AGMO: variants seen among roughly 807,000 people sequenced by gnomAD.
The protein encoded by AGMO is glyceryl-ether monooxygenase.
AGMO carries 75 observed loss-of-function variants against 60.2 expected under a neutral mutation model. That is an observed-to-expected ratio of 1.25 (90% CI 1.03 to 1.51). AGMO has a LOEUF of 1.51. AGMO is among the 40% of genes most tolerant of loss of function. The probability of loss-of-function intolerance (pLI) is 0.00; values close to 1 mark genes in which losing one functional copy is unlikely to be tolerated. For synonymous variants in AGMO, 261 were observed against 177.1 expected (o/e 1.47, Z -3.76); for missense variants, 763 against 525.5 (o/e 1.45, Z -4.42).
chr7:15,440,404 A>C (rs1322767201), intron 3 of AGMO, among the ~76,000 whole-genome samples: 1 of 152,216 alleles, frequency 6.6e-6, no homozygotes, highest in East Asian at 1.9e-4. Context: ...AAGAGAAGGG[A>C]GAAATGAGGT....
chr7:15,169,088 C>G, the AGMO span, among the ~76,000 whole-genome samples: 1 of 152,124 alleles, frequency 6.6e-6, no homozygotes, highest in Non-Finnish European at 1.5e-5. Context: ...GGTGGAGAGA[C>G]CTCAATAAAG....
intron 3 of AGMO, among the ~76,000 whole-genome samples, chr7:15,493,948 G>A (rs1783151179): frequency 6.6e-6 from 1 of 152,116 alleles, no homozygotes; most frequent in South Asian, 2.1e-4. Context: ...GATCACATCA[G>A]GATAAGTGGG....
intron 12 of AGMO, among the ~76,000 whole-genome samples, chr7:15,331,016 G>C (rs1781483588): frequency 6.6e-6 from 1 of 151,902 alleles, no homozygotes; most frequent in Non-Finnish European, 1.5e-5. Flanking sequence ...TTTCCCCCTT[G>C]GCCTCTTGGA....
chr7:15,163,648 C>G, the AGMO span, among the ~76,000 whole-genome samples: 2 of 151,926 alleles, frequency 1.3e-5, no homozygotes, highest in Non-Finnish European at 1.5e-5. Context: ...GTTGAACTAC[C>G]CTCATATCCT....
chr7:15,326,796 G>C (rs990083673), intron 12 of AGMO, among the ~76,000 whole-genome samples: 1 of 152,018 alleles, frequency 6.6e-6, no homozygotes, highest in African/African-American at 2.4e-5. Flanking sequence ...GGAAGTCTAT[G>C]TACAAAAGGC....
intron 12 of AGMO, among the ~76,000 whole-genome samples, chr7:15,254,438 G>T (rs1480230922): frequency 4.6e-5 from 7 of 152,096 alleles, no homozygotes; most frequent in Non-Finnish European, 1.5e-5. Flanking sequence ...TCTAACTGAG[G>T]TGAGGTGATA....
chr7:15,481,617 T>C (rs1028266409), intron 3 of AGMO, among the ~76,000 whole-genome samples: 2 of 151,958 alleles, frequency 1.3e-5, no homozygotes, highest in Non-Finnish European at 2.9e-5. Context: ...TAAATGTATA[T>C]TCAGATAGGG....
chr7:15,560,179 T>C lies in AGMO; in HGVS notation c.219A>G (p.Leu73=). ...ACAGAACACCAGCTGAGATTGACGT[T>C]AAAGCATCATCCAGGCGACCTGGTG... ...GKPPGRLDDA[L]TSISAGVLSR... Residue 73 remains leucine, a synonymous_variant, in exon 2 of 13, where the codon TTA becomes TTG. Coordinates refer to ENST00000342526, the MANE Select transcript of AGMO (RefSeq NM_001004320.2). 3.7e-6 allele frequency: 6 copies of C among 1,613,156 alleles called. No individual in the cohort carries two copies. Among genetic ancestry groups the C allele is most frequent in the Non-Finnish European group, 5.1e-6 (6 of 1,179,296 alleles).
intron 5 of AGMO, among the ~76,000 whole-genome samples, chr7:15,409,134 T>G (rs2128491903): frequency 6.6e-6 from 1 of 151,616 alleles, no homozygotes; most frequent in South Asian, 2.1e-4. Flanking sequence ...TAGACTTTAT[T>G]CAGTAAGCAA....
intron 12 of AGMO, among the ~76,000 whole-genome samples, chr7:15,210,980 T>C (rs1442842972): frequency 6.6e-6 from 1 of 152,090 alleles, no homozygotes; most frequent in Non-Finnish European, 1.5e-5. Context: ...ATAAGTAAAT[T>C]AGTGAATAGA....
intron 12 of AGMO, among the ~76,000 whole-genome samples, chr7:15,256,523 A>C (rs1269838552): frequency 6.6e-6 from 1 of 151,736 alleles, no homozygotes; most frequent in Non-Finnish European, 1.5e-5. Flanking sequence ...TGACGTGTGT[A>C]ATTTTTTGTG....
At chr7:15,550,419 G>C (rs1390799596) in intron 2 of AGMO, among the ~76,000 whole-genome samples, 1 of 152,038 alleles carries the variant, frequency 6.6e-6, no homozygotes, top group Non-Finnish European at 1.5e-5. Flanking sequence ...TAGACCGCTA[G>C]CAAGACTAAT....
chr7:15,534,862 T>C (rs1479599272), intron 3 of AGMO, among the ~76,000 whole-genome samples: 3 of 151,834 alleles, frequency 2.0e-5, no homozygotes, highest in South Asian at 4.1e-4. Flanking sequence ...TACCAATGTA[T>C]TTTAATATTA....
At position 15,331,299 on chromosome 7, in the gene AGMO, T is replaced by C. The variant is rs117276252; in HGVS notation, c.1263+34215A>G. On this transcript the variant is annotated intron_variant, in intron 12 of 12. Coordinates refer to ENST00000342526, the MANE Select transcript of AGMO (RefSeq NM_001004320.2). ...CAATAGAAGCTGTGAGAAATAAAAA[T>C]GATTATTACGGCTTAAGCCACTAAG... Among the ~76,000 whole-genome samples the C allele has an allele frequency of 5.7e-3, 865 of 152,290 alleles. 7 individuals are homozygous for C. The highest frequency in any genetic ancestry group is 9.2e-3 in the Non-Finnish European group (624 of 68,018).
intron 3 of AGMO, among the ~76,000 whole-genome samples, chr7:15,455,956 G>C (rs886930233): frequency 2.2e-4 from 34 of 152,178 alleles, no homozygotes; most frequent in African/African-American, 7.5e-4. Context: ...TGAGGTCTCA[G>C]AAATTTTCTT....
chr7:15,283,961 C>T (rs1784034581), intron 12 of AGMO, among the ~76,000 whole-genome samples: 2 of 151,888 alleles, frequency 1.3e-5, no homozygotes, highest in South Asian at 4.1e-4. Flanking sequence ...GAAAATGAAA[C>T]AATCTGCTCC....
chr7:15,471,798 G>T (rs1049504186), intron 3 of AGMO, among the ~76,000 whole-genome samples: 2 of 151,646 alleles, frequency 1.3e-5, no homozygotes, highest in African/African-American at 4.8e-5. Flanking sequence ...ACTTCCACAA[G>T]GTACAGCTCT....
intron 12 of AGMO, among the ~76,000 whole-genome samples, chr7:15,358,612 C>T (rs895425513): frequency 3.9e-5 from 6 of 152,252 alleles, no homozygotes; most frequent in Admixed American, 2.6e-4. Context: ...CTTAAACTTC[C>T]ACTCTCCTGA....
chr7:15,306,591 A>C (rs1319231239), intron 12 of AGMO: 1 of 435,798 alleles, frequency 2.3e-6, no homozygotes, highest in South Asian at 1.7e-5. Context: ...AAAGCATTAC[A>C]AAATATGGCA....
Sources: gnomAD v4.1 joint callset for allele counts (sites outside exome capture counted in the v4.1 genomes callset) on GRCh38, gnomAD v4.1.1 for gene constraint, MANE v1.5 for transcripts, NCBI Gene and HGNC (gene_info 2026-07-23, HGNC 2026-07-21) for gene names.